PPFIBP2: variants seen among roughly 807,000 people sequenced by gnomAD.
PPFIBP2 encodes PPFIB scaffold protein 2.
In PPFIBP2, 118 loss-of-function variants were observed where a neutral mutation model predicts 118.3. That is an observed-to-expected ratio of 1.00 (90% CI 0.86 to 1.16). The LOEUF is 1.16. Ranked by LOEUF, PPFIBP2 falls within the 50% of genes most tolerant of loss-of-function variation. PPFIBP2 has a pLI of 0.00. For missense variants in PPFIBP2, 1,195 were observed against 1,073.1 expected, an observed-to-expected ratio of 1.11 and a Z score of -1.59; for synonymous variants, 414 against 397.4, an observed-to-expected ratio of 1.04 and a Z score of -0.50.
chr11:7,537,457 T>G (rs1328149085), intron 1 of PPFIBP2, among the ~76,000 whole-genome samples: 1 of 152,246 alleles, frequency 6.6e-6, no homozygotes, highest in Non-Finnish European at 1.5e-5. Context: ...ACCATCATCT[T>G]GATCTATTGT....
intron 14 of PPFIBP2, among the ~76,000 whole-genome samples, chr11:7,637,670 C>A (rs1438155717): frequency 2.0e-5 from 3 of 152,220 alleles, no homozygotes; most frequent in African/African-American, 7.2e-5. Context: ...ACAGGAGAAA[C>A]AGAACTGGAG....
At position 7,549,484 on chromosome 11, in the gene PPFIBP2, T is replaced by C; in HGVS notation, c.9T>C (p.Ser3=). 1 of 1,561,630 alleles carries C rather than the reference T, an allele frequency of 6.4e-7. No individual in the cohort carries two copies. Among genetic ancestry groups the C allele is most frequent in the Non-Finnish European group, 8.7e-7 (1 of 1,152,560 alleles). The change falls in exon 2 of 24, where the codon TCT becomes TCC. Residue 3 remains serine, a synonymous_variant. Coordinates refer to ENST00000299492, the MANE Select transcript of PPFIBP2 (RefSeq NM_003621.5). MA[S]DASHALEAAL... ...GGCAGGCAAAAGGAGTCATGGCTTC[T>C]GATGCTAGTCATGCGCTGGAAGCTG...
chr11:7,571,265 C>A (rs967217656), intron 3 of PPFIBP2, among the ~76,000 whole-genome samples: 3 of 152,210 alleles, frequency 2.0e-5, no homozygotes, highest in Admixed American at 6.5e-5. Context: ...GCCACCCCCC[C>A]TTCTCAGCTC....
intron 1 of PPFIBP2, among the ~76,000 whole-genome samples, chr11:7,529,997 A>T (rs559027647): frequency 2.0e-4 from 31 of 152,344 alleles, no homozygotes; most frequent in African/African-American, 5.5e-4. Context: ...TTTGGGGGCT[A>T]CCTGCAAGAG....
In PPFIBP2 at chr11:7,565,536, C is replaced by T; in HGVS notation, c.65-17C>T. 1 of 1,613,404 alleles carries T rather than the reference C, an allele frequency of 6.2e-7. No individual in the cohort carries two copies. The highest frequency in any genetic ancestry group is 2.2e-5 in the East Asian group (1 of 44,876). On this transcript the variant is annotated splice_polypyrimidine_tract_variant and intron_variant, in intron 2 of 23. Coordinates refer to ENST00000299492, the MANE Select transcript of PPFIBP2 (RefSeq NM_003621.5). Reference sequence around the variant, plus strand: ...GTCCACCCTTCTTACTGAGTTTTCACCTCTCTCTCATTGCAGGCACTAAAA... The same window carrying T: ...GTCCACCCTTCTTACTGAGTTTTCATCTCTCTCTCATTGCAGGCACTAAAA...
At chr11:7,657,067 G>T, downstream of PPFIBP2, 1 of 302,226 alleles carries the variant, frequency 3.3e-6, no homozygotes. Flanking sequence ...ACCACTTTGT[G>T]GGAGGGCAGT....
At chr11:7,655,506 T>A (rs1854597843), downstream of PPFIBP2, 4 of 1,289,574 alleles carry the variant, frequency 3.1e-6, no homozygotes. Context: ...ACGGTAGGAC[T>A]CTGACCCTCT....
intron 2 of PPFIBP2, among the ~76,000 whole-genome samples, chr11:7,556,837 T>C (rs1275946803): frequency 6.6e-6 from 1 of 152,204 alleles, no homozygotes; most frequent in Admixed American, 6.5e-5. Flanking sequence ...TCTGGCAATC[T>C]GTATCTGTCT....
At chr11:7,639,990 G>A in intron 15 of PPFIBP2, 120 bp downstream of exon 15, 1 of 1,401,484 alleles carries the variant, frequency 7.1e-7, no homozygotes. Flanking sequence ...GGGGTGGGTG[G>A]CTGGAACAAG....
At chr11:7,655,591 G>A, downstream of PPFIBP2, 1 of 1,039,262 alleles carries the variant, frequency 9.6e-7, no homozygotes, top group Non-Finnish European at 1.3e-6. Context: ...AAGGCCTGGG[G>A]GACGGCGAAG....
chr11:7,665,193 G>T, the PPFIBP2 span: 1 of 496,932 alleles, frequency 2.0e-6, no homozygotes. Flanking sequence ...GGCCCCAGCA[G>T]CCAGTCTCCA....
At chr11:7,525,532 G>A (rs1850150054) in intron 1 of PPFIBP2, among the ~76,000 whole-genome samples, 1 of 152,180 alleles carries the variant, frequency 6.6e-6, no homozygotes, top group Admixed American at 6.5e-5. Flanking sequence ...CATGGTGGCG[G>A]TGAGCAGAAA....
At chr11:7,589,690 G>T (rs1284106851) in intron 3 of PPFIBP2, among the ~76,000 whole-genome samples, 1 of 152,076 alleles carries the variant, frequency 6.6e-6, no homozygotes, top group African/African-American at 2.4e-5. Flanking sequence ...TGAAATGTGG[G>T]CATGGTTTTT....
In PPFIBP2 at chr11:7,653,584, C is replaced by G; in HGVS notation, c.*366C>G. 7.7e-7 allele frequency: 1 copy of G among 1,303,964 alleles called. No individual in the cohort carries two copies. Among genetic ancestry groups the G allele is most frequent in the Non-Finnish European group, 1.0e-6 (1 of 998,930 alleles). 80.8% of individuals were successfully genotyped at this position (1,303,964 alleles called of 1,614,324 possible). On this transcript the variant is annotated 3_prime_UTR_variant, in exon 24 of 24. Transcript: ENST00000299492. ...AGGCTCAGCTCTCAGGCACCCCCTA[C>G]ACTTCAGTTGAGGGAAAAGCTCAAG... is the stretch of plus-strand genomic sequence containing the variant.
At chr11:7,543,553 T>A (rs905010682) in intron 1 of PPFIBP2, among the ~76,000 whole-genome samples, 1 of 152,250 alleles carries the variant, frequency 6.6e-6, no homozygotes, top group African/African-American at 2.4e-5. Flanking sequence ...GCACAGGGAA[T>A]AGCAGTGACT....
At chr11:7,625,413 G>C (rs1849861531) in intron 7 of PPFIBP2, among the ~76,000 whole-genome samples, 2 of 152,212 alleles carry the variant, frequency 1.3e-5, no homozygotes, top group African/African-American at 2.4e-5. Flanking sequence ...GGAGAAGAAA[G>C]ACCATGTCCA....
At chr11:7,649,443 A>G in intron 20 of PPFIBP2, 89 bp from the exon 21 acceptor site, 2 of 1,541,946 alleles carry the variant, frequency 1.3e-6, no homozygotes, top group Non-Finnish European at 8.9e-7. Flanking sequence ...GATGTGGTTG[A>G]CTTGTCTATG....
At chr11:7,602,501 G>C (rs1434864541) in intron 5 of PPFIBP2, among the ~76,000 whole-genome samples, 1 of 152,112 alleles carries the variant, frequency 6.6e-6, no homozygotes, top group Admixed American at 6.6e-5. Flanking sequence ...TCTGATCACT[G>C]ACCCTTCTCT....
At chr11:7,627,115 T>C (rs1850125215) in intron 8 of PPFIBP2, among the ~76,000 whole-genome samples, 1 of 152,192 alleles carries the variant, frequency 6.6e-6, no homozygotes, top group Non-Finnish European at 1.5e-5. Context: ...ACCCCTCCTC[T>C]TCCCACAGTC....
Sources: gnomAD v4.1 joint callset for allele counts (sites outside exome capture counted in the v4.1 genomes callset) on GRCh38, gnomAD v4.1.1 for gene constraint, MANE v1.5 for transcripts, NCBI Gene and HGNC (gene_info 2026-07-23, HGNC 2026-07-21) for gene names.